ESCO2: variants seen among roughly 807,000 people sequenced by gnomAD.
ESCO2 encodes N-acetyltransferase ESCO2.
In ESCO2, 51 loss-of-function variants were observed where a neutral mutation model predicts 61.7. The ratio of observed to expected loss-of-function variants is 0.83; its 90% CI spans 0.66 to 1.04. The LOEUF is 1.04. ESCO2 is among the 50% of genes least tolerant of loss of function. The pLI, the probability that ESCO2 is intolerant of heterozygous loss-of-function variation, is 0.00. For missense variants in ESCO2, 692 were observed against 686.2 expected (o/e 1.01, Z -0.09); for synonymous variants, 230 against 238.2 (o/e 0.97, Z 0.32).
intron 9 of ESCO2, among the ~76,000 whole-genome samples, chr8:27,796,494 C>T (rs916904030): frequency 2.0e-5 from 3 of 152,018 alleles, no homozygotes; most frequent in African/African-American, 7.3e-5. Context: ...TGAGGTGTAA[C>T]GTTAGGCTAC....
downstream of ESCO2, chr8:27,811,005 GTCA>G: frequency 6.2e-7 from 1 of 1,611,830 alleles, no homozygotes. Flanking sequence ...AATCGATAAA[GTCA>G]TCATTTCCCA....
In ESCO2 at chr8:27,791,978, C is replaced by A. The variant is rs200548692; in HGVS notation, c.1279C>A (p.Arg427Ser). 1 of 1,613,768 alleles carries A rather than the reference C, an allele frequency of 6.2e-7. No homozygotes were observed. The highest frequency in any genetic ancestry group is 1.1e-5 in the South Asian group (1 of 91,056). The change falls in exon 8 of 11, where the codon CGT becomes AGT. Residue 427 changes from arginine (R) to serine (S), a missense_variant. By Grantham distance (110) the Arg-to-Ser change is moderately radical. Transcript: ENST00000305188. ...CCTTTGGCAGGGTTGGAAGAAAGAA[C>A]GTGTAGTAGCAGAGTTTTGGGATGG... ...GIKYVGWKKE[R>S]VVAEFWDGKI...
intron 10 of ESCO2, among the ~76,000 whole-genome samples, chr8:27,800,546 A>G (rs971666484): frequency 3.9e-5 from 6 of 152,204 alleles, no homozygotes; most frequent in Non-Finnish European, 8.8e-5. Context: ...GTTGGTGTGG[A>G]ATACAATCTG....
At chr8:27,773,273 C>G (rs1038635419), upstream of ESCO2, among the ~76,000 whole-genome samples, 21 of 152,186 alleles carry the variant, frequency 1.4e-4, no homozygotes, top group Non-Finnish European at 4.4e-5. Flanking sequence ...CACTGCCACA[C>G]AAGACACTAT....
intron 9 of ESCO2, among the ~76,000 whole-genome samples, chr8:27,798,675 A>C (rs943788949): frequency 2.0e-5 from 3 of 152,212 alleles, no homozygotes; most frequent in Admixed American, 6.5e-5. Context: ...CATATGATGG[A>C]ATATTACTTA....
chr8:27,815,887 G>T (rs17057911), downstream of ESCO2, among the ~76,000 whole-genome samples: 1 of 152,062 alleles, frequency 6.6e-6, no homozygotes, highest in African/African-American at 2.4e-5. Context: ...AAGATGGATT[G>T]TTCTGACAAC....
At chr8:27,794,810 C>T (rs1345043598) in intron 9 of ESCO2, among the ~76,000 whole-genome samples, 5 of 152,032 alleles carry the variant, frequency 3.3e-5, no homozygotes, top group Admixed American at 6.6e-5. Context: ...TCATTTTTCC[C>T]GACACCATTT....
At chr8:27,813,598 A>G (rs540861726), downstream of ESCO2, among the ~76,000 whole-genome samples, 2 of 151,894 alleles carry the variant, frequency 1.3e-5, no homozygotes, top group Non-Finnish European at 2.9e-5. Context: ...GCTAATTAAC[A>G]TATCTATCAC....
At chr8:27,793,360 G>C (rs1317463614) in intron 9 of ESCO2, among the ~76,000 whole-genome samples, 1 of 151,736 alleles carries the variant, frequency 6.6e-6, no homozygotes, top group East Asian at 1.9e-4. Context: ...GTGATATTTT[G>C]ATATAGGTAT....
In ESCO2 at chr8:27,795,199, T is replaced by C. The variant is rs546007010; in HGVS notation, c.1497+2388T>C. On this transcript the variant is annotated intron_variant, in intron 9 of 10. Transcript: ENST00000305188. ...TGTAGATATTCTTCATCTTCTTTCA[T>C]CAGTGTTTTCTGGTCTTCAGTGTAT... is the stretch of plus-strand genomic sequence containing the variant. Among the ~76,000 whole-genome samples the C allele has an allele frequency of 8.9e-4, 136 of 152,320 alleles. 4 individuals are homozygous for C. In the South Asian group the frequency reaches 0.028, roughly 31 times the overall value.
At chr8:27,808,971 G>C (rs564526173), downstream of ESCO2, among the ~76,000 whole-genome samples, 1 of 152,062 alleles carries the variant, frequency 6.6e-6, no homozygotes. Context: ...ATTCCTATTA[G>C]ATATCTCAAC....
chr8:27,813,269 A>G (rs58235899), downstream of ESCO2, among the ~76,000 whole-genome samples: 23,922 of 152,064 alleles, frequency 0.16, 2,390 homozygotes, highest in East Asian at 0.37. Flanking sequence ...ACTGAACAAT[A>G]AGAACACTTG....
chr8:27,776,113 A>G (rs1459122699), intron 2 of ESCO2, among the ~76,000 whole-genome samples: 1 of 152,238 alleles, frequency 6.6e-6, no homozygotes, highest in South Asian at 2.1e-4. Context: ...ACATACATGC[A>G]TATATGTCTA....
chr8:27,818,937 G>GTCCAGATAA, the ESCO2 span, among the ~76,000 whole-genome samples: 10 of 152,166 alleles, frequency 6.6e-5, no homozygotes, highest in East Asian at 1.3e-3. Context: ...TTTCTAAAAT[G>GTCCAGATAA]TCCAGATAAC....
chr8:27,787,226 C>G (rs1238581493), intron 5 of ESCO2, among the ~76,000 whole-genome samples: 1 of 152,140 alleles, frequency 6.6e-6, no homozygotes, highest in African/African-American at 2.4e-5. Flanking sequence ...TAGATTTGGC[C>G]TGAGGGGCTC....
intron 4 of ESCO2, among the ~76,000 whole-genome samples, chr8:27,781,508 C>T (rs1804926609): frequency 6.6e-6 from 1 of 151,194 alleles, no homozygotes; most frequent in Non-Finnish European, 1.5e-5. Flanking sequence ...CCATTCTTAA[C>T]ATCTTATGTT....
downstream of ESCO2, among the ~76,000 whole-genome samples, chr8:27,809,108 A>G (rs533139053): frequency 6.6e-6 from 1 of 152,320 alleles, no homozygotes; most frequent in South Asian, 2.1e-4. Context: ...TAGGAAAAGA[A>G]TGCCCTGGAG....
chr8:27,799,813 A>G, intron 10 of ESCO2, 97 bp downstream of exon 10: 3 of 1,368,732 alleles, frequency 2.2e-6, no homozygotes, highest in East Asian at 4.6e-5. Flanking sequence ...TTGGTAAGAT[A>G]CTTCAGTATA....
intron 3 of ESCO2, chr8:27,778,325 T>G (rs1017194421): frequency 3.9e-5 from 6 of 151,972 alleles, no homozygotes; most frequent in Admixed American, 1.3e-4. Context: ...TAAATGTTTG[T>G]TTTTTTTCCT....
Sources: gnomAD v4.1 joint callset for allele counts (sites outside exome capture counted in the v4.1 genomes callset) on GRCh38, gnomAD v4.1.1 for gene constraint, MANE v1.5 for transcripts, NCBI Gene and HGNC (gene_info 2026-07-23, HGNC 2026-07-21) for gene names.